PTPRN2: variants seen among roughly 807,000 people sequenced by gnomAD.
The protein encoded by PTPRN2 is protein tyrosine phosphatase receptor type N2, also known as receptor-type tyrosine-protein phosphatase N2.
In PTPRN2, 74 loss-of-function variants were observed where a neutral mutation model predicts 118.8. That is an observed-to-expected ratio of 0.62 (90% CI 0.52 to 0.76). The LOEUF is 0.76. PTPRN2 is among the 30% of genes least tolerant of loss of function. The pLI is 0.00. For synonymous variants in PTPRN2, 641 were observed against 608.0 expected, an observed-to-expected ratio of 1.05 and a Z score of -0.80; for missense variants, 1,481 against 1,394.4, an observed-to-expected ratio of 1.06 and a Z score of -0.99.
In PTPRN2 at chr7:158,376,502, A is replaced by C. The variant is rs373313342; in HGVS notation, c.164-59570T>G. On this transcript the variant is annotated intron_variant, in intron 2 of 22. Coordinates refer to ENST00000389418, the MANE Select transcript of PTPRN2 (RefSeq NM_002847.5). ...GAGGGGGGTCAGTGGACTCCCCTAC[A>C]GCCCTGTCACACGTCCTGAGAGGGG... Among the ~76,000 whole-genome samples, 49 of 135,236 alleles carry C rather than the reference A, an allele frequency of 3.6e-4. 2 individuals carry two copies. In the South Asian group the frequency reaches 0.011, roughly 29 times the overall value. 88.7% of individuals were successfully genotyped at this position (135,236 alleles called of 152,430 possible). A position where few individuals can be genotyped will look rare whatever the true frequency, so the allele number is the denominator to read the frequency against.
At chr7:158,010,619 A>G (rs1805972891) in intron 11 of PTPRN2, among the ~76,000 whole-genome samples, 1 of 152,268 alleles carries the variant, frequency 6.6e-6, no homozygotes, top group African/African-American at 2.4e-5. Flanking sequence ...AAGATACAGT[A>G]GCACCCCATT....
At position 157,596,746 on chromosome 7, in the gene PTPRN2, C is replaced by T. The variant is rs932869768; in HGVS notation, c.2419-1431G>A. ...GGGAACCTCACCTTGGGGAGGCAGCCGCTTGTGCATCTGACGCACAGTCCT... is the reference window on the plus strand; with the variant it reads ...GGGAACCTCACCTTGGGGAGGCAGCTGCTTGTGCATCTGACGCACAGTCCT... On this transcript the variant is annotated intron_variant, in intron 16 of 22. Coordinates refer to ENST00000389418, the MANE Select transcript of PTPRN2 (RefSeq NM_002847.5). This position sits in a 1 kb window ranked among gnomAD's most constrained non-coding sequence, Gnocchi z 4.2. 7.9e-5 allele frequency among the ~76,000 whole-genome samples: 12 copies of T among 152,156 alleles called. No individual in the cohort carries two copies. The highest frequency in any genetic ancestry group is 2.2e-4 in the African/African-American group (9 of 41,418).
chr7:157,978,034 A>C (rs1054699771), intron 11 of PTPRN2, among the ~76,000 whole-genome samples: 3 of 152,010 alleles, frequency 2.0e-5, no homozygotes, highest in Non-Finnish European at 4.4e-5. Flanking sequence ...CTAAATACCA[A>C]GGAGTTTTCT....
intron 11 of PTPRN2, among the ~76,000 whole-genome samples, chr7:157,988,819 C>T (rs1018743875): frequency 1.3e-5 from 2 of 152,216 alleles, no homozygotes; most frequent in African/African-American, 4.8e-5. Flanking sequence ...CAGGGCTGCT[C>T]TGGGCAGCAT....
At chr7:157,602,278 C>T (rs765288584) in intron 16 of PTPRN2, among the ~76,000 whole-genome samples, 5 of 152,232 alleles carry the variant, frequency 3.3e-5, no homozygotes, top group Non-Finnish European at 7.3e-5. Context: ...GTGTGGGCCA[C>T]GAATTGCGGG....
intron 12 of PTPRN2, among the ~76,000 whole-genome samples, chr7:157,730,611 A>G (rs982899535): frequency 2.6e-5 from 4 of 152,192 alleles, no homozygotes; most frequent in Admixed American, 6.5e-5. Flanking sequence ...ACCTCTCTTA[A>G]AATGCAGTGA....
chr7:157,993,258 C>T (rs1013721378), intron 11 of PTPRN2, among the ~76,000 whole-genome samples: 22 of 151,926 alleles, frequency 1.4e-4, no homozygotes, highest in African/African-American at 4.4e-4. Flanking sequence ...CGTACCTGTC[C>T]GTGTTCACAT....
At chr7:158,149,916 A>C (rs1820781672) in intron 6 of PTPRN2, among the ~76,000 whole-genome samples, 1 of 152,172 alleles carries the variant, frequency 6.6e-6, no homozygotes. Flanking sequence ...AATATATTTT[A>C]AATTTAATAT....
chr7:158,365,197 C>A (rs557574565), intron 2 of PTPRN2, among the ~76,000 whole-genome samples: 1 of 152,206 alleles, frequency 6.6e-6, no homozygotes, highest in African/African-American at 2.4e-5. Context: ...ACCGTCCTTG[C>A]GAGCGCCTCA....
intron 12 of PTPRN2, among the ~76,000 whole-genome samples, chr7:157,838,247 G>T (rs1338095344): frequency 3.3e-5 from 5 of 150,444 alleles, no homozygotes; most frequent in Non-Finnish European, 7.4e-5. Context: ...ATAGTGGATG[G>T]CACGGGAGAA....
In PTPRN2 at chr7:157,539,338, G is replaced by A. The variant is rs941582294; in HGVS notation, c.*1376C>T. 6.6e-6 allele frequency: 1 copy of A among 151,824 alleles called. No individual in the cohort carries two copies. Among genetic ancestry groups the A allele is most frequent in the African/African-American group, 2.4e-5 (1 of 41,098 alleles). The allele number at this position is 151,824 out of a possible 1,614,324, so 9.4% of individuals were successfully genotyped here. On this transcript the variant is annotated 3_prime_UTR_variant, in exon 23 of 23. Coordinates refer to ENST00000389418, the MANE Select transcript of PTPRN2 (RefSeq NM_002847.5). ...AGTAGGCCGTGTTCCCTCTGGTAGG[G>A]CCTTTGGAGAGTACCATCTATCTAA... is the stretch of plus-strand genomic sequence containing the variant.
At chr7:158,441,836 GCAGTGGTGGTGATGGTGA>G (rs1817307296) in intron 2 of PTPRN2, among the ~76,000 whole-genome samples, 4 of 147,034 alleles carry the variant, frequency 2.7e-5, no homozygotes, top group African/African-American at 5.2e-5. Context: ...GATGGTCATG[GCAGTGGTGGTGATGGTGA>G]TAGTGATGGT....
rs1315016067 is a variant in PTPRN2, at chr7:157,964,485, T to A, written c.1724-65748A>T. Among the ~76,000 whole-genome samples, 1 of 150,556 alleles carries A rather than the reference T, an allele frequency of 6.6e-6. No homozygotes were observed. The highest frequency in any genetic ancestry group is 2.4e-5 in the African/African-American group (1 of 40,870). Reference sequence around the variant, plus strand: ...GAGTCAAGACAGTTAAACTTGAGGGTGATTTGGGAATGAGGGGAATTCATC... The same window carrying A: ...GAGTCAAGACAGTTAAACTTGAGGGAGATTTGGGAATGAGGGGAATTCATC... On this transcript the variant is annotated intron_variant, in intron 11 of 22. Transcript: ENST00000389418. This position sits in a 1 kb window ranked among gnomAD's most constrained non-coding sequence, Gnocchi z 9.0.
chr7:158,162,497 A>G (rs1297543902), intron 6 of PTPRN2, among the ~76,000 whole-genome samples: 2 of 152,180 alleles, frequency 1.3e-5, no homozygotes, highest in African/African-American at 2.4e-5. Context: ...CCCATCTGAA[A>G]AGGCCACATA....
At chr7:157,691,054 T>C (rs1797462814) in intron 12 of PTPRN2, among the ~76,000 whole-genome samples, 1 of 136,636 alleles carries the variant, frequency 7.3e-6, no homozygotes, top group Admixed American at 7.5e-5. Flanking sequence ...AGCCACCGGT[T>C]GCTATAGCGA....
intron 12 of PTPRN2, among the ~76,000 whole-genome samples, chr7:157,761,760 TAAACTA>T (rs1225599967): frequency 2.0e-5 from 3 of 149,310 alleles, no homozygotes; most frequent in Admixed American, 2.0e-4. Context: ...GGGATCTAAT[TAAACTA>T]AAGAGCTTCT....
At chr7:158,140,728 G>A (rs1305218208) in intron 6 of PTPRN2, among the ~76,000 whole-genome samples, 1 of 152,230 alleles carries the variant, frequency 6.6e-6, no homozygotes, top group Non-Finnish European at 1.5e-5. Context: ...CGTGCAGCGT[G>A]GCCGCTGGTT....
At chr7:158,171,314 T>TATATATATATATATACATAC (rs1823659006) in intron 5 of PTPRN2, among the ~76,000 whole-genome samples, 1 of 98,316 alleles carries the variant, frequency 1.0e-5, no homozygotes, top group African/African-American at 4.6e-5. Flanking sequence ...CACACATATA[T>TATATATATATATATACATAC]ATATATATAT....
intron 17 of PTPRN2, among the ~76,000 whole-genome samples, chr7:157,584,948 C>T (rs1349647198): frequency 2.0e-5 from 3 of 152,222 alleles, no homozygotes; most frequent in Non-Finnish European, 4.4e-5. Flanking sequence ...CTCCAGGCCA[C>T]AGCACGCACA....
Sources: allele counts gnomAD v4.1 joint callset (sites outside exome capture counted in the v4.1 genomes callset), GRCh38; gene constraint gnomAD v4.1.1; non-coding constraint Gnocchi (gnomAD v3.1); transcripts MANE v1.5; gene names NCBI Gene and HGNC (gene_info 2026-07-23, HGNC 2026-07-21).